WASHC4: variants seen among roughly 807,000 people sequenced by gnomAD.
The protein encoded by WASHC4 is WASH complex subunit 7.
In WASHC4, 86 loss-of-function variants were observed where a neutral mutation model predicts 166.6. That is an observed-to-expected ratio of 0.52 (90% CI 0.43 to 0.62). The LOEUF (loss-of-function observed/expected upper bound fraction) is 0.62, where lower values mean the gene tolerates loss of function less well. Ranked by LOEUF, WASHC4 falls within the 20% of genes least tolerant of loss-of-function variation. WASHC4 has a pLI of 0.00. For synonymous variants in WASHC4, 446 were observed against 451.6 expected, an observed-to-expected ratio of 0.99 and a Z score of 0.16; for missense variants, 1,262 against 1,382.4, an observed-to-expected ratio of 0.91 and a Z score of 1.38.
Position 105,152,440 on chromosome 12 carries a change from T to C in WASHC4, c.2747T>C (p.Ile916Thr). 6.4e-7 allele frequency: 1 copy of C among 1,556,962 alleles called. No individual in the cohort carries two copies. The highest frequency in any genetic ancestry group is 8.9e-7 in the Non-Finnish European group (1 of 1,128,066). The change falls in exon 26 of 33, where the codon ATC becomes ACC. Residue 916 changes from isoleucine to threonine, a missense_variant. By Grantham distance (89) the Ile-to-Thr change is moderately conservative. Coordinates refer to ENST00000332180, the MANE Select transcript of WASHC4 (RefSeq NM_015275.3). ...TACCTTGATCAATTCAGGCAACTCA[T>C]CAGCCAGATTGGTAAGTTATGATAA... ...QSYLDQFRQL[I>T]SQIGNAMGYV...
chr12:105,118,097 T>C (rs1196799), intron 6 of WASHC4, among the ~76,000 whole-genome samples: 1,551 of 152,300 alleles, frequency 0.01, 16 homozygotes, highest in Middle Eastern at 0.034. Flanking sequence ...TAGAAATTTA[T>C]TGAGAAGCAG....
At position 105,121,115 on chromosome 12, in the gene WASHC4, C is replaced by T. The variant is rs1450619808; in HGVS notation, c.576C>T (p.His192=). ...TTTTTTGACAGACTATGTATGAGCA[C>T]TTGGGAGAACTGCTAACAGTTTTGC... The part of the protein sequence containing the change: ...TGVHFQTMYE[H]LGELLTVLLT... The change falls in exon 9 of 33, where the codon CAC becomes CAT. Residue 192 remains histidine, a synonymous_variant. Coordinates refer to ENST00000332180, the MANE Select transcript of WASHC4 (RefSeq NM_015275.3). The T allele has an allele frequency of 1.2e-6, 2 of 1,611,566 alleles. No individual in the cohort carries two copies. Among genetic ancestry groups the T allele is most frequent in the African/African-American group, 2.7e-5 (2 of 74,816 alleles).
intron 16 of WASHC4, 145 bp from the exon 17 acceptor site, chr12:105,140,754 A>C: frequency 1.3e-6 from 1 of 783,074 alleles, no homozygotes; most frequent in Non-Finnish European, 2.1e-6. Context: ...ACAGAAGTAA[A>C]GTATAAATGT....
intron 16 of WASHC4, among the ~76,000 whole-genome samples, 195 bp downstream of exon 16, chr12:105,140,596 A>G (rs2097931936): frequency 2.0e-5 from 3 of 152,328 alleles, no homozygotes; most frequent in Admixed American, 1.3e-4. Flanking sequence ...AAATTGCAGC[A>G]TGTAATACAT....
chr12:105,117,201 ATCAAG>A (rs1880270060), intron 6 of WASHC4, among the ~76,000 whole-genome samples: 2 of 152,322 alleles, frequency 1.3e-5, no homozygotes, highest in South Asian at 2.1e-4. Flanking sequence ...ACTGATGCTA[ATCAAG>A]TCTGTTTTGT....
Position 105,109,669 on chromosome 12 carries a change from T to TTC in WASHC4, c.62-1455_62-1454dup, listed in dbSNP as rs1555231344. Among the ~76,000 whole-genome samples, 881 of 149,816 alleles carry TTC rather than the reference T, an allele frequency of 5.9e-3. 13 individuals are homozygous for TTC. The highest frequency in any genetic ancestry group is 0.02 in the African/African-American group (807 of 40,694). The stretch of plus-strand genomic sequence containing the variant: ...ATTGTCTTTTTTTTTTTTTTTTTTT[T>TTC]TCGAGACAAGGTCTCACTCTGTCGC... On this transcript the variant is annotated intron_variant, in intron 1 of 32. Coordinates refer to ENST00000332180, the MANE Select transcript of WASHC4 (RefSeq NM_015275.3).
intron 4 of WASHC4, among the ~76,000 whole-genome samples, chr12:105,114,904 C>T (rs1220459241): frequency 6.6e-6 from 1 of 151,862 alleles, no homozygotes. Context: ...CATGTGGTTG[C>T]TCTTTATTTC....
chr12:105,149,202 A>G (rs979060186), intron 24 of WASHC4: 12 of 985,354 alleles, frequency 1.2e-5, no homozygotes, highest in Non-Finnish European at 1.4e-5. Flanking sequence ...AGAGAACACC[A>G]TGTTTCTTAC....
intron 2 of WASHC4, 68 bp from the exon 3 acceptor site, chr12:105,114,148 A>G (rs1181262857): frequency 7.0e-7 from 1 of 1,420,338 alleles, no homozygotes; most frequent in African/African-American, 1.4e-5. Context: ...GCTAGCCTCA[A>G]TTTGTGTTTT....
At chr12:105,121,283 A>G in intron 9 of WASHC4, 79 bp downstream of exon 9, 1 of 853,902 alleles carries the variant, frequency 1.2e-6, no homozygotes, top group Non-Finnish European at 1.9e-6. Flanking sequence ...ACAGATATAA[A>G]TAATACAGAT....
In WASHC4 at chr12:105,145,008, T is replaced by C. The variant is rs910062843; in HGVS notation, c.2334+136T>C. The stretch of plus-strand genomic sequence containing the variant: ...AAATTATTTGCCATATAAAATCTTA[T>C]ACTTGACAACAGTAAAAAATTAGGT... On this transcript the variant is annotated intron_variant, in intron 22 of 32. Transcript: ENST00000332180. 7.8e-6 allele frequency: 7 copies of C among 894,748 alleles called. No individual in the cohort carries two copies. In the Admixed American group the frequency reaches 8.0e-5, roughly 10 times the overall value. 55.4% of individuals were successfully genotyped at this position (894,748 alleles called of 1,614,324 possible). A position where few individuals can be genotyped will look rare whatever the true frequency, so the allele number is the denominator to read the frequency against.
At chr12:105,162,661 A>G (rs1348501770) in intron 29 of WASHC4, 88 bp from the exon 30 acceptor site, 5 of 729,338 alleles carry the variant, frequency 6.9e-6, no homozygotes, top group Middle Eastern at 3.9e-4. Flanking sequence ...TAGTGATTCT[A>G]TTTATAATTT....
At chr12:105,112,128 C>G (rs1414318983) in intron 2 of WASHC4, among the ~76,000 whole-genome samples, 1 of 152,196 alleles carries the variant, frequency 6.6e-6, no homozygotes, top group East Asian at 1.9e-4. Flanking sequence ...CTCCTCTGTA[C>G]ACTTCATATA....
At chr12:105,137,771 A>G (rs1882446898) in intron 14 of WASHC4, 115 bp from the exon 15 acceptor site, 4 of 839,450 alleles carry the variant, frequency 4.8e-6, no homozygotes, top group South Asian at 3.1e-5. Flanking sequence ...TGGCTTTAAG[A>G]TGAACTTTAG....
intron 28 of WASHC4, among the ~76,000 whole-genome samples, 173 bp downstream of exon 28, chr12:105,157,495 A>G (rs1051022769): frequency 4.5e-4 from 69 of 152,218 alleles, no homozygotes; most frequent in African/African-American, 1.5e-3. Flanking sequence ...TCCAGCTTCT[A>G]GAACATGCTG....
At chr12:105,131,577 A>G (rs1162577416) in intron 13 of WASHC4, among the ~76,000 whole-genome samples, 3 of 152,164 alleles carry the variant, frequency 2.0e-5, no homozygotes, top group Admixed American at 2.0e-4. Flanking sequence ...GGAGAGTTCC[A>G]TAGTCTAGCC....
chr12:105,135,582 T>C (rs1272596448), intron 14 of WASHC4, among the ~76,000 whole-genome samples: 1 of 152,062 alleles, frequency 6.6e-6, no homozygotes, highest in Non-Finnish European at 1.5e-5. Context: ...TTTGTGCTAC[T>C]TTGGGGTCAG....
At chr12:105,151,375 T>G (rs1441681548) in intron 25 of WASHC4, among the ~76,000 whole-genome samples, 1 of 152,114 alleles carries the variant, frequency 6.6e-6, no homozygotes, top group Non-Finnish European at 1.5e-5. Context: ...CCAGTTCTCT[T>G]GTATAATGGT....
At chr12:105,107,956 GCA>G in intron 1 of WASHC4, 95 bp downstream of exon 1, 1 of 914,164 alleles carries the variant, frequency 1.1e-6, no homozygotes, top group Non-Finnish European at 1.7e-6. Flanking sequence ...GGACGGCTGC[GCA>G]GCCGTCTGGT....
Sources: gnomAD v4.1 joint callset for allele counts (sites outside exome capture counted in the v4.1 genomes callset) on GRCh38, gnomAD v4.1.1 for gene constraint, MANE v1.5 for transcripts, NCBI Gene and HGNC (gene_info 2026-07-23, HGNC 2026-07-21) for gene names.